The following ZFHX4 variants were observed in gnomAD, a reference collection of about 807,000 sequenced individuals.
The protein encoded by ZFHX4 is zinc finger homeobox protein 4.
In ZFHX4, 56 loss-of-function variants were observed where a neutral mutation model predicts 267.6. The ratio of observed to expected loss-of-function variants is 0.21; its 90% CI spans 0.17 to 0.26. ZFHX4 has a LOEUF of 0.26. Ranked by LOEUF, ZFHX4 falls within the 10% of genes least tolerant of loss-of-function variation. The pLI, the probability that ZFHX4 is intolerant of heterozygous loss-of-function variation, is 1.00. For synonymous variants in ZFHX4, 1,778 were observed against 1,665.6 expected, an observed-to-expected ratio of 1.07 and a Z score of -1.64; for missense variants, 4,332 against 4,420.0, an observed-to-expected ratio of 0.98 and a Z score of 0.56.
intron 1 of ZFHX4, among the ~76,000 whole-genome samples, chr8:76,698,865 G>C (rs150091281): frequency 2.6e-5 from 4 of 152,232 alleles, no homozygotes; most frequent in African/African-American, 7.2e-5. Context: ...AGTTTTTGCC[G>C]TGTCAGGAGA....
chr8:76,797,057 C>T (rs1410509089), intron 4 of ZFHX4, among the ~76,000 whole-genome samples: 1 of 152,128 alleles, frequency 6.6e-6, no homozygotes, highest in Non-Finnish European at 1.5e-5. Flanking sequence ...CACTCATGTC[C>T]GCAGCATCTC....
At chr8:76,857,181 C>T (rs969982197) in intron 10 of ZFHX4, among the ~76,000 whole-genome samples, 10 of 152,024 alleles carry the variant, frequency 6.6e-5, no homozygotes, top group East Asian at 1.9e-4. Context: ...TGGAATATAA[C>T]GTGCTAGCCA....
At chr8:76,843,701 T>G (rs1427306443) in intron 6 of ZFHX4, among the ~76,000 whole-genome samples, 6 of 152,170 alleles carry the variant, frequency 3.9e-5, no homozygotes, top group Admixed American at 3.9e-4. Context: ...CAGGTAGTCA[T>G]CTATCTTTTC....
At position 76,851,966 on chromosome 8, in the gene ZFHX4, A is replaced by G. The variant is rs770004899; in HGVS notation, c.5045A>G (p.Gln1682Arg). ...KKQTPDLISAQPAHHPPQSPA... is the reference protein window; with the variant it reads ...KKQTPDLISARPAHHPPQSPA... ...CAAACTCCTGATTTAATCTCTGCTC[A>G]ACCTGCACATCACCCACCACAGTCA... The change falls in exon 10 of 11, where the codon CAA becomes CGA. Residue 1682 changes from glutamine (Q) to arginine (R), a missense_variant. Gln to Arg is a conservative substitution (Grantham distance 43). This residue lies in a region of ZFHX4 where 1,371 missense variants were observed against 1,423.1 expected (regional missense o/e 0.96). Transcript: ENST00000651372. 6.2e-6 allele frequency: 10 copies of G among 1,614,002 alleles called. No homozygotes were observed. The highest frequency in any genetic ancestry group is 1.7e-5 in the Admixed American group (1 of 60,026).
In ZFHX4 at chr8:76,705,265, G is replaced by C. The variant is rs189444720; in HGVS notation, c.1177G>C (p.Glu393Gln). ...KGSASTSSSA[E>Q]QPLGITQMPK... ...AAGCGCGAGCACCTCGAGCTCAGCAGAGCAGCCGCTGGGGATTACCCAAAT... is the reference window on the plus strand; with the variant it reads ...AAGCGCGAGCACCTCGAGCTCAGCACAGCAGCCGCTGGGGATTACCCAAAT... The change falls in exon 2 of 11, where the codon GAG becomes CAG. Residue 393 changes from glutamate to glutamine, a missense_variant. Transcript: ENST00000651372. 3.8e-3 allele frequency: 6,088 copies of C among 1,614,038 alleles called. 23 individuals are homozygous for C. The highest frequency in any genetic ancestry group is 4.8e-3 in the Non-Finnish European group (5,667 of 1,179,906).
At chr8:76,836,528 G>A (rs771704383) in intron 5 of ZFHX4, among the ~76,000 whole-genome samples, 4 of 152,058 alleles carry the variant, frequency 2.6e-5, no homozygotes, top group Admixed American at 1.3e-4. Flanking sequence ...CAGAGTCTGC[G>A]AAAATGTACG....
At chr8:76,848,678 G>A (rs1293173660) in intron 6 of ZFHX4, among the ~76,000 whole-genome samples, 6 of 152,140 alleles carry the variant, frequency 3.9e-5, no homozygotes, top group Admixed American at 3.9e-4. Flanking sequence ...TTGTGAAAGG[G>A]AGTAGATTTG....
intron 4 of ZFHX4, among the ~76,000 whole-genome samples, chr8:76,826,843 A>G (rs1203986395): frequency 6.6e-6 from 1 of 152,222 alleles, no homozygotes. Context: ...AAGATAGTAA[A>G]CCTCATGTTT....
chr8:76,693,343 C>T (rs984216094), intron 1 of ZFHX4: 2 of 152,186 alleles, frequency 1.3e-5, no homozygotes, highest in Non-Finnish European at 2.9e-5. Flanking sequence ...GGAACACTAT[C>T]TTACAGAGAA....
chr8:76,697,925 C>A (rs1201735724), intron 1 of ZFHX4, among the ~76,000 whole-genome samples: 1 of 151,910 alleles, frequency 6.6e-6, no homozygotes, highest in Admixed American at 6.6e-5. Context: ...TTTGGAAGTA[C>A]CTTTTTCCTC....
intron 3 of ZFHX4, among the ~76,000 whole-genome samples, chr8:76,752,625 C>G (rs1809651220): frequency 6.6e-6 from 1 of 151,784 alleles, no homozygotes; most frequent in African/African-American, 2.4e-5. Context: ...GAGCTGAGAT[C>G]ATGCCACTGC....
In ZFHX4 at chr8:76,742,458, A is replaced by G. The variant is rs796768968; in HGVS notation, c.3093+34410A>G. Reference sequence around the variant, plus strand: ...TGCCATGTTCACTGACTGGTCTAAGAAAATGAATTTTTAGAAGGCCTGAGA... The same window carrying G: ...TGCCATGTTCACTGACTGGTCTAAGGAAATGAATTTTTAGAAGGCCTGAGA... On this transcript the variant is annotated intron_variant, in intron 3 of 10. Coordinates refer to ENST00000651372, the MANE Select transcript of ZFHX4 (RefSeq NM_024721.5). Among the ~76,000 whole-genome samples, 6 of 152,178 alleles carry G rather than the reference A, an allele frequency of 3.9e-5. No individual in the cohort carries two copies. In the South Asian group the frequency reaches 8.3e-4, roughly 21 times the overall value.
In ZFHX4 at chr8:76,850,357, A is replaced by T. The variant is rs1487565994; in HGVS notation, c.3959A>T (p.Tyr1320Phe). 3.1e-6 allele frequency: 5 copies of T among 1,609,356 alleles called. No homozygotes were observed. The highest frequency in any genetic ancestry group is 1.7e-5 in the Admixed American group (1 of 59,594). ...GTGACAGCTGAGGGGTCTGGGAAAT[A>T]TTCAGGTATGCCATCTTATCATCAA... ...AAVTAEGSGKYSGESPMDDKS... is the reference protein window; with the variant it reads ...AAVTAEGSGKFSGESPMDDKS... The change falls in exon 9 of 11, where the codon TAT becomes TTT. Residue 1320 changes from tyrosine to phenylalanine, a missense_variant. By Grantham distance (22) the Tyr-to-Phe change is conservative. Around this residue, in one of 7 missense-constraint regions of ZFHX4, gnomAD observed 1,371 missense variants for 1,423.1 expected, o/e 0.96. Transcript: ENST00000651372.
chr8:76,732,250 G>T (rs184770164), intron 3 of ZFHX4, among the ~76,000 whole-genome samples: 348 of 152,128 alleles, frequency 2.3e-3, no homozygotes, highest in African/African-American at 7.9e-3. Context: ...ATCTTCATCA[G>T]TGTATAATTA....
chr8:76,795,293 A>G (rs889706896), intron 4 of ZFHX4, among the ~76,000 whole-genome samples: 1 of 152,112 alleles, frequency 6.6e-6, no homozygotes, highest in Admixed American at 6.6e-5. Context: ...GTTTGTTTTG[A>G]GACAGGATCT....
intron 4 of ZFHX4, among the ~76,000 whole-genome samples, chr8:76,802,892 A>G (rs1811149200): frequency 6.6e-6 from 1 of 152,158 alleles, no homozygotes; most frequent in Admixed American, 6.6e-5. Flanking sequence ...TTCTACATTC[A>G]CATTGGAATG....
chr8:76,693,958 C>T (rs1017104029), intron 1 of ZFHX4, among the ~76,000 whole-genome samples: 3 of 152,262 alleles, frequency 2.0e-5, no homozygotes, highest in African/African-American at 4.8e-5. Flanking sequence ...TCTAGTAAGG[C>T]GGTCTGATGC....
intron 3 of ZFHX4, among the ~76,000 whole-genome samples, chr8:76,726,584 T>A (rs1039769042): frequency 1.4e-4 from 22 of 152,330 alleles, no homozygotes; most frequent in African/African-American, 5.3e-4. Context: ...TTTAAATGAC[T>A]TTTTATATTT....
Position 76,704,094 on chromosome 8 carries a change from A to C in ZFHX4, c.6A>C (p.Glu2Asp). The C allele has an allele frequency of 6.2e-7, 1 of 1,603,774 alleles. No homozygotes were observed. Among genetic ancestry groups the C allele is most frequent in the Non-Finnish European group, 8.5e-7 (1 of 1,174,500 alleles). Residue 2 changes from glutamate to aspartate, a missense_variant, in exon 2 of 11, where the codon GAA becomes GAC. Transcript: ENST00000651372. Reference protein sequence around the residue: METCDSPPISRQ... With the variant: MDTCDSPPISRQ... The stretch of plus-strand genomic sequence containing the variant: ...ATCCCCATGTAGCAATTGCCATGGA[A>C]ACCTGTGACTCCCCTCCTATCTCAA...
Sources: gnomAD v4.1 joint callset for allele counts (sites outside exome capture counted in the v4.1 genomes callset) on GRCh38, gnomAD v4.1.1 for gene constraint, gnomAD v4.1.1 regional missense constraint, MANE v1.5 for transcripts, NCBI Gene and HGNC (gene_info 2026-07-23, HGNC 2026-07-21) for gene names.